HOMER1: variants seen among roughly 807,000 people sequenced by gnomAD.
HOMER1 encodes homer protein homolog 1.
Under a neutral mutation model 48.9 loss-of-function variants are expected in HOMER1, and 3 were observed. The observed-to-expected ratio is 0.06, with a 90% CI of 0.03 to 0.16. The LOEUF is 0.16. Ranked by LOEUF, HOMER1 falls within the 10% of genes least tolerant of loss-of-function variation. The probability of loss-of-function intolerance (pLI) is 1.00; values close to 1 mark genes in which losing one functional copy is unlikely to be tolerated. For synonymous variants in HOMER1, 134 were observed against 146.4 expected (o/e 0.92, Z 0.61); for missense variants, 247 against 411.4 (o/e 0.60, Z 3.46).
intron 3 of HOMER1, among the ~76,000 whole-genome samples, chr5:79,447,908 A>G (rs1750927265): frequency 6.6e-6 from 1 of 152,190 alleles, no homozygotes; most frequent in Non-Finnish European, 1.5e-5. Context: ...AACTACATGT[A>G]AAAACCCCAA....
At chr5:79,427,339 T>C (rs1486943716) in intron 5 of HOMER1, among the ~76,000 whole-genome samples, 2 of 152,226 alleles carry the variant, frequency 1.3e-5, no homozygotes, top group Non-Finnish European at 2.9e-5. Context: ...ACATGCTTTA[T>C]ATTCATTGGA....
chr5:79,395,047 G>A (rs573514713), intron 8 of HOMER1, among the ~76,000 whole-genome samples: 3 of 152,120 alleles, frequency 2.0e-5, no homozygotes, highest in South Asian at 4.1e-4. Flanking sequence ...CAGAAAGAAC[G>A]GACTTTGGAA....
At position 79,376,149 on chromosome 5, in the gene HOMER1, C is replaced by G. The variant is rs749322527; in HGVS notation, c.925G>C (p.Glu309Gln). The G allele has an allele frequency of 1.9e-6, 3 of 1,613,776 alleles. No individual in the cohort carries two copies. The highest frequency in any genetic ancestry group is 1.7e-4 in the Middle Eastern group (1 of 6,060). ...KDLEGQLSDLEQRLEKSQNEQ... is the reference protein window; with the variant it reads ...KDLEGQLSDLQQRLEKSQNEQ... ...TTCTGACTTTTCTCCAGACGTTGCT[C>G]TAAGTCAGACAGTTGTCCCTCCAGG... Residue 309 changes from glutamate to glutamine, a missense_variant, in exon 9 of 9, where the codon GAG (glutamate) becomes CAG (glutamine). Coordinates refer to ENST00000334082, the MANE Select transcript of HOMER1 (RefSeq NM_004272.5).
At chr5:79,497,827 C>T (rs1752470784) in intron 1 of HOMER1, among the ~76,000 whole-genome samples, 1 of 152,106 alleles carries the variant, frequency 6.6e-6, no homozygotes, top group Non-Finnish European at 1.5e-5. Flanking sequence ...GATTTGTAAG[C>T]TTCACTTATC....
chr5:79,427,728 TCCC>T (rs1750306305), intron 5 of HOMER1, among the ~76,000 whole-genome samples: 2 of 127,344 alleles, frequency 1.6e-5, no homozygotes, highest in African/African-American at 3.4e-5. Flanking sequence ...CTTCCTTCCT[TCCC>T]TTCCTTCCTT....
At chr5:79,377,212 C>T (rs552590321) in intron 8 of HOMER1, among the ~76,000 whole-genome samples, 15 of 152,226 alleles carry the variant, frequency 9.9e-5, no homozygotes, top group South Asian at 6.2e-4. Context: ...GTGATCCACC[C>T]GCCTCGGCCT....
chr5:79,406,233 T>C (rs1749659081), intron 5 of HOMER1, among the ~76,000 whole-genome samples: 2 of 152,368 alleles, frequency 1.3e-5, no homozygotes, highest in South Asian at 4.1e-4. Context: ...CATATTTGGT[T>C]GGTATTTAGA....
chr5:79,438,836 A>G (rs534519319), intron 5 of HOMER1, among the ~76,000 whole-genome samples, 174 bp downstream of exon 5: 1 of 152,062 alleles, frequency 6.6e-6, no homozygotes, highest in African/African-American at 2.4e-5. Flanking sequence ...TAAATTAATA[A>G]AAAGTTTGTG....
intron 1 of HOMER1, among the ~76,000 whole-genome samples, chr5:79,504,496 T>A (rs1344154371): frequency 1.3e-5 from 2 of 151,794 alleles, no homozygotes; most frequent in Non-Finnish European, 2.9e-5. Context: ...TTGTCCCATA[T>A]ACATTTAGGA....
intron 1 of HOMER1, among the ~76,000 whole-genome samples, chr5:79,512,396 A>G (rs1752967399): frequency 6.6e-6 from 1 of 152,218 alleles, no homozygotes; most frequent in Non-Finnish European, 1.5e-5. Context: ...CTGATTATCT[A>G]AAAGTACTGA....
intron 8 of HOMER1, among the ~76,000 whole-genome samples, chr5:79,391,143 T>TTTG (rs1561345245): frequency 7.0e-6 from 1 of 142,870 alleles, no homozygotes; most frequent in African/African-American, 2.6e-5. Flanking sequence ...TTTTTTTTTG[T>TTTG]TTTTTTTTTT....
chr5:79,486,702 A>G (rs1459060878), intron 1 of HOMER1, among the ~76,000 whole-genome samples: 3 of 152,198 alleles, frequency 2.0e-5, no homozygotes, highest in Non-Finnish European at 4.4e-5. Context: ...CAATAATGCC[A>G]CATTGCCTCT....
intron 1 of HOMER1, among the ~76,000 whole-genome samples, chr5:79,467,984 T>A (rs1751522854): frequency 6.6e-6 from 1 of 152,146 alleles, no homozygotes; most frequent in Non-Finnish European, 1.5e-5. Flanking sequence ...CTGTTACCCA[T>A]GCTGGTCTCA....
At chr5:79,459,532 G>T (rs943200316) in intron 1 of HOMER1, among the ~76,000 whole-genome samples, 1 of 151,986 alleles carries the variant, frequency 6.6e-6, no homozygotes, top group African/African-American at 2.4e-5. Flanking sequence ...AAGTCTATAT[G>T]ATAAAGACTA....
rs369330512 is a variant in HOMER1 at position 79,376,378 on chromosome 5, G to A, written c.877-181C>T. ...ACTTGGCCATCCCAGAGAGCAATAC[G>A]ATTTTAATGACTGGCTTGGTTATCA... On this transcript the variant is annotated intron_variant, in intron 8 of 8. Transcript: ENST00000334082. Among the ~76,000 whole-genome samples the A allele has an allele frequency of 3.5e-4, 53 of 152,194 alleles. 2 individuals carry two copies. The South Asian group carries it at 1.0e-2, about 29-fold the overall frequency.
rs1157842780 is a variant in HOMER1, at chr5:79,373,305, T to C, written c.*2704A>G. ...TAAAAACTGTATTTTTGCTTTTCTTTTTTTTTTTCAATTTTTGTTTTTGTA... is the reference window on the plus strand; with the variant it reads ...TAAAAACTGTATTTTTGCTTTTCTTCTTTTTTTTCAATTTTTGTTTTTGTA... On this transcript the variant is annotated 3_prime_UTR_variant, in exon 9 of 9. Coordinates refer to ENST00000334082, the MANE Select transcript of HOMER1 (RefSeq NM_004272.5). 6.6e-6 allele frequency: 1 copy of C among 151,988 alleles called. No individual in the cohort carries two copies. The highest frequency in any genetic ancestry group is 1.5e-5 in the Non-Finnish European group (1 of 67,938). 9.4% of individuals were successfully genotyped at this position (151,988 alleles called of 1,614,324 possible). A position where few individuals can be genotyped will look rare whatever the true frequency, so the allele number is the denominator to read the frequency against.
intron 1 of HOMER1, among the ~76,000 whole-genome samples, chr5:79,502,314 A>C (rs114714197): frequency 0.11 from 15,992 of 151,996 alleles, 1,258 homozygotes; most frequent in Admixed American, 0.25. Context: ...CACCGCGCCC[A>C]GCCAGTCCTG....
intron 5 of HOMER1, among the ~76,000 whole-genome samples, chr5:79,407,011 T>C (rs1436757762): frequency 6.6e-6 from 1 of 152,172 alleles, no homozygotes; most frequent in Non-Finnish European, 1.5e-5. Flanking sequence ...AGACAGACCT[T>C]CTTTGAGGTG....
intron 1 of HOMER1, among the ~76,000 whole-genome samples, chr5:79,505,091 T>C (rs1037955780): frequency 1.3e-5 from 2 of 151,946 alleles, no homozygotes; most frequent in African/African-American, 4.8e-5. Context: ...TGAAACCCCA[T>C]CTCTACCAAA....
Sources: allele counts gnomAD v4.1 joint callset (sites outside exome capture counted in the v4.1 genomes callset), GRCh38; gene constraint gnomAD v4.1.1; transcripts MANE v1.5; gene names NCBI Gene and HGNC (gene_info 2026-07-23, HGNC 2026-07-21).